Variants in SKI observed in about 807,000 individuals in gnomAD.
The protein encoded by SKI is SKI proto-oncogene, also known as ski oncogene.
SKI carries 23 observed loss-of-function variants against 59.3 expected under a neutral mutation model. That is an observed-to-expected ratio of 0.39 (90% confidence interval 0.28 to 0.55). The LOEUF is 0.55. SKI is among the 20% of genes least tolerant of loss of function. The pLI is 0.67. For synonymous variants in SKI, 673 were observed against 488.6 expected (o/e 1.38, Z -4.98); for missense variants, 1,017 against 1,038.9 (o/e 0.98, Z 0.29).
At chr1:2,283,395 T>C (rs1455997802) in intron 1 of SKI, among the ~76,000 whole-genome samples, 2 of 151,640 alleles carry the variant, frequency 1.3e-5, no homozygotes, top group Non-Finnish European at 2.9e-5. Flanking sequence ...TCTGTGAAAA[T>C]GGGGGTGAGG....
At position 2,284,692 on chromosome 1, in the gene SKI, A is replaced by G. The variant is rs371102083; in HGVS notation, c.970-18286A>G. Among the ~76,000 whole-genome samples, 25 of 152,276 alleles carry G rather than the reference A, an allele frequency of 1.6e-4. No individual in the cohort carries two copies. In the South Asian group the frequency reaches 2.7e-3, roughly 16 times the overall value. ...GCTCCCTCCCGCCCCACACCGGCCT[A>G]TGAGCCCTCCCTGGCCCCTGGGTGG... On this transcript the variant is annotated intron_variant, in intron 1 of 6. Transcript: ENST00000378536.
intron 1 of SKI, among the ~76,000 whole-genome samples, chr1:2,234,042 G>T (rs1378284961): frequency 6.6e-6 from 1 of 152,182 alleles, no homozygotes; most frequent in Admixed American, 6.5e-5. Context: ...TGTAGTCTTG[G>T]GCCATGCTCT....
chr1:2,274,134 C>G (rs1018304211), intron 1 of SKI, among the ~76,000 whole-genome samples: 1 of 151,754 alleles, frequency 6.6e-6, no homozygotes, highest in Non-Finnish European at 1.5e-5. Flanking sequence ...AGGAAGGTAG[C>G]GCTTTGTCAA....
Position 2,306,160 on chromosome 1 carries a change from C to T in SKI, c.1908C>T (p.Arg636=), listed in dbSNP as rs182417640. The T allele has an allele frequency of 1.9e-6, 3 of 1,593,350 alleles. No homozygotes were observed. Among genetic ancestry groups the T allele is most frequent in the Non-Finnish European group, 2.6e-6 (3 of 1,171,064 alleles). Residue 636 remains arginine (R), a synonymous_variant, in exon 6 of 7, where the codon CGC becomes CGT. Coordinates refer to ENST00000378536, the MANE Select transcript of SKI (RefSeq NM_003036.4). The stretch of plus-strand genomic sequence containing the variant: ...AAGAGGCCAACGAGTCACGGCTGCG[C>T]CTGAAGCGGGAGCTGGAGCAGGCGC... ...KMKEANESRL[R]LKRELEQARQ... is the part of the protein sequence containing the mutation.
chr1:2,252,198 C>T (rs1569726410), intron 1 of SKI, among the ~76,000 whole-genome samples: 2 of 152,160 alleles, frequency 1.3e-5, no homozygotes, highest in East Asian at 1.9e-4. Flanking sequence ...CTTTATCCTA[C>T]CTTAAGTTTT....
intron 1 of SKI, among the ~76,000 whole-genome samples, chr1:2,242,406 G>A (rs1638899793): frequency 6.6e-6 from 1 of 152,218 alleles, no homozygotes; most frequent in African/African-American, 2.4e-5. Flanking sequence ...CCACATCTCT[G>A]TCGCTGGAAA....
rs375269117 is a variant in SKI at position 2,268,199 on chromosome 1, G to A, written c.970-34779G>A. On this transcript the variant is annotated intron_variant, in intron 1 of 6. Coordinates refer to ENST00000378536, the MANE Select transcript of SKI (RefSeq NM_003036.4). The surrounding 1 kb of genome is among the most constrained non-coding windows in gnomAD (Gnocchi z 5.0). ...GGGTGGCTGTGCTGCCGCTGCTGTC[G>A]CCCATCCTTGGGGGCCGGCGTCGCC... Among the ~76,000 whole-genome samples the A allele has an allele frequency of 6.6e-5, 10 of 152,282 alleles. No homozygotes were observed. Among genetic ancestry groups the A allele is most frequent in the Middle Eastern group, 3.4e-3 (1 of 294 alleles).
In SKI at chr1:2,228,935, G is replaced by T; in HGVS notation, c.169G>T (p.Ala57Ser). 1 of 1,383,432 alleles carries T rather than the reference G, an allele frequency of 7.2e-7. No homozygotes were observed. The allele number at this position is 1,383,432 out of a possible 1,614,324, so 85.7% of individuals were successfully genotyped here. Residue 57 changes from alanine to serine, a missense_variant, in exon 1 of 7, where the codon GCG (alanine) becomes TCG (serine). Ala to Ser is a moderately conservative substitution (Grantham distance 99). Transcript: ENST00000378536. ...YKKESAKEAGAAAVPAPVPAA... is the reference protein window; with the variant it reads ...YKKESAKEAGSAAVPAPVPAA... ...GAAGGAGAGCGCCAAGGAGGCGGGC[G>T]CGGCCGCGGTGCCGGCGCCGGTGCC...
intron 1 of SKI, among the ~76,000 whole-genome samples, chr1:2,283,396 G>C (rs1639958761): frequency 6.6e-6 from 1 of 152,230 alleles, no homozygotes; most frequent in Non-Finnish European, 1.5e-5. Context: ...CTGTGAAAAT[G>C]GGGGTGAGGA....
At chr1:2,264,029 T>G (rs779137155) in intron 1 of SKI, among the ~76,000 whole-genome samples, 1 of 151,710 alleles carries the variant, frequency 6.6e-6, no homozygotes, top group African/African-American at 2.4e-5. Flanking sequence ...AAAAAAAGTT[T>G]CGTGGAACTT....
At position 2,304,469 on chromosome 1, in the gene SKI, G is replaced by T. The variant is rs1225179301; in HGVS notation, c.1651G>T (p.Gly551Cys). The T allele has an allele frequency of 3.2e-6, 5 of 1,571,950 alleles. No homozygotes were observed. The South Asian group carries it at 5.8e-5, about 18-fold the overall frequency. ...ELEHLRQALE[G>C]GLDTKEAKEK... is the part of the protein sequence containing the mutation. ...GGAGCACCTGCGGCAGGCACTGGAG[G>T]GCGGCCTGGACACCAAGGAAGCCAA... is the stretch of plus-strand genomic sequence containing the variant. The change falls in exon 5 of 7, where the codon GGC (glycine) becomes TGC (cysteine). Residue 551 changes from glycine to cysteine, a missense_variant. Physicochemically the swap from Gly to Cys is radical, Grantham distance 159 (BLOSUM62 -3). Coordinates refer to ENST00000378536, the MANE Select transcript of SKI (RefSeq NM_003036.4).
intron 1 of SKI, among the ~76,000 whole-genome samples, chr1:2,298,316 T>G (rs2100907357): frequency 6.6e-6 from 1 of 152,268 alleles, no homozygotes; most frequent in Admixed American, 6.5e-5. Flanking sequence ...GAAAACTGGT[T>G]TTCTTCACTC....
chr1:2,253,288 A>T (rs748548934), intron 1 of SKI, among the ~76,000 whole-genome samples: 1 of 151,834 alleles, frequency 6.6e-6, no homozygotes, highest in Non-Finnish European at 1.5e-5. Context: ...CAGAGCACCC[A>T]GGTTGGTATC....
chr1:2,230,616 A>G (rs185541803), intron 1 of SKI, among the ~76,000 whole-genome samples: 234 of 152,328 alleles, frequency 1.5e-3, no homozygotes, highest in Non-Finnish European at 1.6e-3. Context: ...TGGAGGATCT[A>G]TGGGATCCGG....
intron 1 of SKI, among the ~76,000 whole-genome samples, chr1:2,252,009 C>T (rs766062108): frequency 8.5e-5 from 13 of 152,242 alleles, no homozygotes; most frequent in African/African-American, 4.8e-5. Context: ...CGCCGTGGCA[C>T]GTGGGAGTGA....
At chr1:2,298,029 G>A (rs1435629956) in intron 1 of SKI, among the ~76,000 whole-genome samples, 1 of 152,208 alleles carries the variant, frequency 6.6e-6, no homozygotes, top group Non-Finnish European at 1.5e-5. Flanking sequence ...GACACCGGGT[G>A]GTCATGGGCC....
At chr1:2,284,275 C>T (rs1277325042) in intron 1 of SKI, among the ~76,000 whole-genome samples, 2 of 152,190 alleles carry the variant, frequency 1.3e-5, no homozygotes, top group Non-Finnish European at 2.9e-5. Flanking sequence ...TCCCTGGACC[C>T]ATGCTGCCGA....
chr1:2,272,610 T>G (rs897276216), intron 1 of SKI, among the ~76,000 whole-genome samples: 5 of 152,224 alleles, frequency 3.3e-5, no homozygotes, highest in African/African-American at 1.2e-4. Flanking sequence ...CTGGTTCCTA[T>G]TTTTGCATTG....
chr1:2,264,065 AGT>A (rs1639446178), intron 1 of SKI, among the ~76,000 whole-genome samples: 1 of 151,716 alleles, frequency 6.6e-6, no homozygotes, highest in Non-Finnish European at 1.5e-5. Context: ...TCGGACCCAG[AGT>A]GTTTTTTGTG....
Sources: gnomAD v4.1 joint callset for allele counts (sites outside exome capture counted in the v4.1 genomes callset) on GRCh38, gnomAD v4.1.1 for gene constraint, Gnocchi (gnomAD v3.1) non-coding constraint, MANE v1.5 for transcripts, NCBI Gene and HGNC (gene_info 2026-07-23, HGNC 2026-07-21) for gene names.